XKR6: variants seen among roughly 807,000 people sequenced by gnomAD.
XKR6 encodes XK-related protein 6.
A neutral mutation model predicts 56.7 loss-of-function variants in XKR6; 22 were observed. The observed-to-expected ratio is 0.39, with a 90% CI of 0.28 to 0.55. XKR6 has a LOEUF of 0.55. Among genes scored for constraint, XKR6 ranks in the 20% least tolerant of loss-of-function variants. The probability of loss-of-function intolerance (pLI) is 0.66; values close to 1 mark genes in which losing one functional copy is unlikely to be tolerated. For synonymous variants in XKR6, 524 were observed against 387.8 expected (o/e 1.35, Z -4.13); for missense variants, 852 against 889.0 (o/e 0.96, Z 0.53).
chr8:11,105,060 C>G (rs1303530166), intron 1 of XKR6: 1 of 152,080 alleles, frequency 6.6e-6, no homozygotes. Context: ...CAAAACTTTC[C>G]CAGACTGTTC....
At chr8:10,949,142 G>A (rs1445946947) in intron 1 of XKR6, among the ~76,000 whole-genome samples, 5 of 152,242 alleles carry the variant, frequency 3.3e-5, no homozygotes, top group East Asian at 1.9e-4. Flanking sequence ...CCTGGGCCCC[G>A]GGGCTGCCTC....
intron 2 of XKR6, among the ~76,000 whole-genome samples, chr8:10,900,608 G>A (rs532376651): frequency 2.8e-4 from 43 of 152,334 alleles, no homozygotes; most frequent in African/African-American, 1.0e-3. Flanking sequence ...AAATCTATCT[G>A]GAAAACATCC....
At position 11,200,965 on chromosome 8, in the gene XKR6, C is replaced by A. The variant is rs1381147552; in HGVS notation, c.375G>T (p.Pro125=). 1 of 1,527,934 alleles carries A rather than the reference C, an allele frequency of 6.5e-7. No homozygotes were observed. Among genetic ancestry groups the A allele is most frequent in the Non-Finnish European group, 8.8e-7 (1 of 1,140,920 alleles). 94.6% of individuals were successfully genotyped at this position (1,527,934 alleles called of 1,614,324 possible). A position where few individuals can be genotyped will look rare whatever the true frequency, so the allele number is the denominator to read the frequency against. The change falls in exon 1 of 3, where the codon CCG becomes CCT. Residue 125 remains proline (P), a synonymous_variant. Transcript: ENST00000416569. The surrounding 1 kb of genome is among the most constrained non-coding windows in gnomAD (Gnocchi z 6.4). ...GCACGATCCACAGGCAGTCGAGCCA[C>A]GGCCGCTCCACCTGCGGCGGCGGCG... ...PEPPPPQVER[P]WLDCLWIVLA... is the part of the protein sequence containing the mutation.
intron 1 of XKR6, among the ~76,000 whole-genome samples, chr8:10,939,117 A>C (rs537955680): frequency 6.6e-6 from 1 of 152,212 alleles, no homozygotes; most frequent in South Asian, 2.1e-4. Flanking sequence ...TGAGCTCACA[A>C]ACCCTGGATG....
At chr8:11,120,980 C>T (rs185469105) in intron 1 of XKR6, among the ~76,000 whole-genome samples, 7,110 of 152,162 alleles carry the variant, frequency 0.047, 174 homozygotes, top group South Asian at 0.11. Context: ...AACTGGCTAG[C>T]CATATGGAGA....
chr8:11,185,397 T>C (rs542740818), intron 1 of XKR6, among the ~76,000 whole-genome samples: 2 of 152,232 alleles, frequency 1.3e-5, no homozygotes, highest in African/African-American at 4.8e-5. Flanking sequence ...AATTAGCCTA[T>C]GGGAAAACTG....
At chr8:11,109,733 T>C (rs1798815612) in intron 1 of XKR6, 1 of 152,146 alleles carries the variant, frequency 6.6e-6, no homozygotes, top group Non-Finnish European at 1.5e-5. Flanking sequence ...AAACTATTCA[T>C]TCCAGTAGGG....
At chr8:10,992,563 C>T (rs966106148) in intron 1 of XKR6, among the ~76,000 whole-genome samples, 14 of 152,214 alleles carry the variant, frequency 9.2e-5, no homozygotes, top group African/African-American at 3.4e-4. Context: ...ACCTTGCAGA[C>T]AGATCCGCTT....
At position 11,083,137 on chromosome 8, in the gene XKR6, C is replaced by T. The variant is rs534841158; in HGVS notation, c.764+117439G>A. ...TCTCCAAGCCTCCCTCTCCGAGTCT[C>T]GGCAGCCAGTGGGAGCCCAGCACTT... On this transcript the variant is annotated intron_variant, in intron 1 of 2. Coordinates refer to ENST00000416569, the MANE Select transcript of XKR6 (RefSeq NM_173683.4). Among the ~76,000 whole-genome samples the T allele has an allele frequency of 1.1e-4, 17 of 152,316 alleles. No homozygotes were observed. In the East Asian group the frequency reaches 1.7e-3, roughly 16 times the overall value.
At chr8:11,187,590 A>G (rs546976898) in intron 1 of XKR6, among the ~76,000 whole-genome samples, 1 of 152,286 alleles carries the variant, frequency 6.6e-6, no homozygotes, top group Admixed American at 6.5e-5. Context: ...AGATTTTTTC[A>G]CAAATAATGA....
intron 1 of XKR6, among the ~76,000 whole-genome samples, chr8:11,198,038 T>G (rs1461977266): frequency 1.3e-5 from 2 of 152,228 alleles, no homozygotes; most frequent in Non-Finnish European, 2.9e-5. Flanking sequence ...AACCTTTATG[T>G]TATGTGACCA....
intron 1 of XKR6, chr8:11,109,102 G>C (rs973865740): frequency 1.3e-5 from 2 of 152,184 alleles, no homozygotes; most frequent in African/African-American, 2.4e-5. Flanking sequence ...GATTCCCCAA[G>C]AGACACATAC....
At chr8:10,937,463 G>C (rs1670924260) in intron 1 of XKR6, among the ~76,000 whole-genome samples, 1 of 151,094 alleles carries the variant, frequency 6.6e-6, no homozygotes, top group Non-Finnish European at 1.5e-5. Context: ...TTCCTTTGGA[G>C]GAGGAGAGGC....
At chr8:10,902,447 C>T (rs1419861399) in intron 2 of XKR6, among the ~76,000 whole-genome samples, 1 of 152,196 alleles carries the variant, frequency 6.6e-6, no homozygotes, top group Non-Finnish European at 1.5e-5. Flanking sequence ...CACCGGCCAT[C>T]TCTATGAGGA....
chr8:11,136,712 G>A (rs1257124984), intron 1 of XKR6, among the ~76,000 whole-genome samples: 2 of 152,066 alleles, frequency 1.3e-5, no homozygotes, highest in Admixed American at 6.5e-5. Flanking sequence ...ACCAGGAAGA[G>A]GTCTTCACCA....
rs531486322 is a variant in XKR6, at chr8:11,200,001, G to A, written c.764+575C>T. On this transcript the variant is annotated intron_variant, in intron 1 of 2. Transcript: ENST00000416569. The surrounding 1 kb of genome is among the most constrained non-coding windows in gnomAD (Gnocchi z 6.4). ...AAAAAAAAAAGTCTTTTTTCCTTCT[G>A]GGAAAGCAGTGGTTTGGAGTCATTC... 6.6e-6 allele frequency among the ~76,000 whole-genome samples: 1 copy of A among 152,004 alleles called. No individual in the cohort carries two copies. Among genetic ancestry groups the A allele is most frequent in the African/African-American group, 2.4e-5 (1 of 41,396 alleles).
intron 1 of XKR6, among the ~76,000 whole-genome samples, chr8:10,961,361 G>C (rs1342439323): frequency 6.6e-6 from 1 of 152,200 alleles, no homozygotes; most frequent in African/African-American, 2.4e-5. Context: ...GACAGTGGGA[G>C]CTGTGAGTCC....
chr8:11,096,895 C>T (rs1302418476), intron 1 of XKR6, among the ~76,000 whole-genome samples: 1 of 152,224 alleles, frequency 6.6e-6, no homozygotes. Context: ...GAAAATCTAG[C>T]TGGAATGAAG....
intron 1 of XKR6, chr8:11,108,888 A>G (rs1246401977): frequency 1.3e-5 from 2 of 152,328 alleles, no homozygotes; most frequent in Admixed American, 1.3e-4. Flanking sequence ...AAAAGGATCC[A>G]TAGATTTCTT....
Sources: gnomAD v4.1 joint callset for allele counts (sites outside exome capture counted in the v4.1 genomes callset) on GRCh38, gnomAD v4.1.1 for gene constraint, Gnocchi (gnomAD v3.1) non-coding constraint, MANE v1.5 for transcripts, NCBI Gene and HGNC (gene_info 2026-07-23, HGNC 2026-07-21) for gene names.